The following DMRT1 variants were observed in gnomAD, a reference collection of about 807,000 sequenced individuals.
DMRT1 encodes the protein doublesex- and mab-3-related transcription factor 1.
In DMRT1, 7 loss-of-function variants were observed where a neutral mutation model predicts 32.3. That is an observed-to-expected ratio of 0.22 (90% CI 0.12 to 0.41). DMRT1 has a LOEUF of 0.41. Ranked by LOEUF, DMRT1 falls within the 10% of genes least tolerant of loss-of-function variation. The pLI, the probability that DMRT1 is intolerant of heterozygous loss-of-function variation, is 1.00. For missense variants in DMRT1, 625 were observed against 500.5 expected, an observed-to-expected ratio of 1.25 and a Z score of -2.37; for synonymous variants, 278 against 206.1, an observed-to-expected ratio of 1.35 and a Z score of -2.99.
chr9:939,666 A>AT (rs1179058981), intron 4 of DMRT1, among the ~76,000 whole-genome samples: 1 of 152,200 alleles, frequency 6.6e-6, no homozygotes, highest in Non-Finnish European at 1.5e-5. Flanking sequence ...ATACAAAGTT[A>AT]TTTTTATCAT....
At chr9:936,646 G>C (rs992844326) in intron 4 of DMRT1, among the ~76,000 whole-genome samples, 2 of 151,948 alleles carry the variant, frequency 1.3e-5, no homozygotes, top group South Asian at 2.1e-4. Context: ...CCAGCTACTC[G>C]GGAGGCTGAG....
chr9:905,186 C>G (rs141906919), intron 3 of DMRT1, among the ~76,000 whole-genome samples: 376 of 152,316 alleles, frequency 2.5e-3, no homozygotes, highest in African/African-American at 8.9e-3. Context: ...TGCCTCCCCC[C>G]AGGATGGGTT....
intron 4 of DMRT1, among the ~76,000 whole-genome samples, chr9:930,553 C>T (rs6477374): frequency 0.2 from 30,391 of 151,828 alleles, 4,757 homozygotes; most frequent in African/African-American, 0.44. Flanking sequence ...GGGCTACAGG[C>T]GCCCGCCACC....
Position 938,474 on chromosome 9 carries a change from T to A in DMRT1, c.967+21567T>A, listed in dbSNP as rs1586642292. Among the ~76,000 whole-genome samples, 3 of 152,340 alleles carry A rather than the reference T, an allele frequency of 2.0e-5. No homozygotes were observed. The East Asian group carries it at 5.8e-4, about 29-fold the overall frequency. On this transcript the variant is annotated intron_variant, in intron 4 of 4. Transcript: ENST00000382276. ...TCTTTAAGCATTTTTAATAGTTTTATCTGTGCCTGTCACCTCCCTGGTTAA... is the reference window on the plus strand; with the variant it reads ...TCTTTAAGCATTTTTAATAGTTTTAACTGTGCCTGTCACCTCCCTGGTTAA...
chr9:898,154 CTG>C (rs1453632595), intron 3 of DMRT1, among the ~76,000 whole-genome samples: 1 of 149,064 alleles, frequency 6.7e-6, no homozygotes, highest in Non-Finnish European at 1.5e-5. Flanking sequence ...GGGCCTCACT[CTG>C]TCATTCAGGC....
intron 3 of DMRT1, among the ~76,000 whole-genome samples, chr9:913,801 G>A (rs1230006572): frequency 6.6e-6 from 1 of 152,172 alleles, no homozygotes; most frequent in Non-Finnish European, 1.5e-5. Flanking sequence ...GCTGACGCAG[G>A]AGAATCGCTT....
chr9:964,399 G>A (rs1819867400), intron 4 of DMRT1, among the ~76,000 whole-genome samples: 1 of 152,000 alleles, frequency 6.6e-6, no homozygotes, highest in African/African-American at 2.4e-5. Flanking sequence ...GGCTTCTTGA[G>A]AGAAAACAGA....
intron 4 of DMRT1, among the ~76,000 whole-genome samples, chr9:949,633 T>C (rs1308294575): frequency 6.6e-6 from 1 of 152,190 alleles, no homozygotes; most frequent in Non-Finnish European, 1.5e-5. Context: ...AAATACAGTA[T>C]TGTTAACTGT....
rs1040884047 is a variant in DMRT1, at chr9:847,057, A to G, written c.452A>G (p.Asn151Ser). Residue 151 changes from asparagine (N) to serine (S), a missense_variant, in exon 2 of 5, where the codon AAC becomes AGC. Physicochemically the swap from Asn to Ser is conservative, Grantham distance 46. This residue lies in a region of DMRT1 where 416 missense variants were observed against 321.6 expected (regional missense o/e 1.29). Transcript: ENST00000382276. Reference sequence around the variant, plus strand: ...GCCGAGCTGCTTGTCAAAAGAGAGAACAATGGCAGTAACCCGTGCCTCATG... The same window carrying G: ...GCCGAGCTGCTTGTCAAAAGAGAGAGCAATGGCAGTAACCCGTGCCTCATG... ...SAAELLVKRENNGSNPCLMTE... is the reference protein window; with the variant it reads ...SAAELLVKRESNGSNPCLMTE... 1.4e-5 allele frequency: 23 copies of G among 1,613,960 alleles called. No individual in the cohort carries two copies. In the Admixed American group the frequency reaches 1.7e-4, roughly 12 times the overall value.
intron 2 of DMRT1, among the ~76,000 whole-genome samples, chr9:879,915 T>G (rs1260369989): frequency 6.6e-6 from 1 of 152,168 alleles, no homozygotes; most frequent in Non-Finnish European, 1.5e-5. Context: ...TACCAGAAAA[T>G]CACATTCATT....
chr9:882,207 C>T lies in DMRT1; in HGVS notation c.539-11705C>T, dbSNP rs142328576. Reference sequence around the variant, plus strand: ...CTCCTAACTTTAGCATGCCACTGTGCGTTACATGCCAGCCTTTTCAGGCCC... The same window carrying T: ...CTCCTAACTTTAGCATGCCACTGTGTGTTACATGCCAGCCTTTTCAGGCCC... On this transcript the variant is annotated intron_variant, in intron 2 of 4. Coordinates refer to ENST00000382276, the MANE Select transcript of DMRT1 (RefSeq NM_021951.3). Among the ~76,000 whole-genome samples the T allele has an allele frequency of 4.8e-3, 731 of 152,234 alleles. 6 individuals carry two copies. Among genetic ancestry groups the T allele is most frequent in the South Asian group, 0.011 (54 of 4,826 alleles).
At chr9:927,753 G>A (rs1403246481) in intron 4 of DMRT1, among the ~76,000 whole-genome samples, 1 of 152,228 alleles carries the variant, frequency 6.6e-6, no homozygotes, top group Non-Finnish European at 1.5e-5. Flanking sequence ...GTTGTCCGTT[G>A]AAATTGGCAT....
intron 1 of DMRT1, among the ~76,000 whole-genome samples, chr9:845,102 T>A (rs1319727932): frequency 6.6e-6 from 1 of 152,238 alleles, no homozygotes; most frequent in South Asian, 2.1e-4. Flanking sequence ...GGTGCTTCAC[T>A]GTCATTTCAT....
chr9:967,922 C>A, intron 4 of DMRT1, 63 bp from the exon 5 acceptor site: 2 of 1,483,666 alleles, frequency 1.3e-6, no homozygotes, highest in Non-Finnish European at 1.9e-6. Flanking sequence ...GTATAAAGAC[C>A]AGCCACTTTT....
At chr9:886,250 T>TTTTG (rs920124370) in intron 2 of DMRT1, among the ~76,000 whole-genome samples, 1 of 152,210 alleles carries the variant, frequency 6.6e-6, no homozygotes, top group Admixed American at 6.5e-5. Flanking sequence ...AACTGTGTTT[T>TTTTG]TTTGTTTGTT....
At chr9:913,708 A>C (rs1197498092) in intron 3 of DMRT1, among the ~76,000 whole-genome samples, 3 of 151,802 alleles carry the variant, frequency 2.0e-5, no homozygotes, top group Non-Finnish European at 4.4e-5. Context: ...CAGCCTAGGC[A>C]ACATGGAGAA....
chr9:967,860 A>C, intron 4 of DMRT1, 125 bp from the exon 5 acceptor site: 2 of 916,620 alleles, frequency 2.2e-6, no homozygotes, highest in South Asian at 2.8e-5. Context: ...TCAACTCAGA[A>C]TAGAAATGGA....
At chr9:937,634 T>C (rs1328646119) in intron 4 of DMRT1, among the ~76,000 whole-genome samples, 1 of 152,214 alleles carries the variant, frequency 6.6e-6, no homozygotes, top group Non-Finnish European at 1.5e-5. Context: ...TTCTTGGCCA[T>C]TTATGTATCG....
chr9:873,697 A>T (rs7031362), intron 2 of DMRT1, among the ~76,000 whole-genome samples: 76,827 of 151,906 alleles, frequency 0.51, 19,588 homozygotes, highest in Middle Eastern at 0.55. Context: ...CCCTTTAGCT[A>T]GGCAGTGGCA....
Sources: gnomAD v4.1 joint callset for allele counts (sites outside exome capture counted in the v4.1 genomes callset) on GRCh38, gnomAD v4.1.1 for gene constraint, gnomAD v4.1.1 regional missense constraint, MANE v1.5 for transcripts, NCBI Gene and HGNC (gene_info 2026-07-23, HGNC 2026-07-21) for gene names.